RAI14: variants seen among roughly 807,000 people sequenced by gnomAD.
The protein encoded by RAI14 is ankycorbin.
RAI14 carries 45 observed loss-of-function variants against 115.4 expected under a neutral mutation model. The ratio of observed to expected loss-of-function variants is 0.39; its 90% confidence interval spans 0.31 to 0.50. The LOEUF is 0.50. Among genes scored for constraint, RAI14 ranks in the 20% least tolerant of loss-of-function variants. RAI14 has a pLI of 0.85. For synonymous variants in RAI14, 371 were observed against 415.4 expected, an observed-to-expected ratio of 0.89 and a Z score of 1.30; for missense variants, 939 against 1,131.2, an observed-to-expected ratio of 0.83 and a Z score of 2.44.
intron 15 of RAI14, among the ~76,000 whole-genome samples, chr5:34,825,395 G>A (rs1037853892): frequency 6.6e-6 from 1 of 152,182 alleles, no homozygotes; most frequent in Non-Finnish European, 1.5e-5. Flanking sequence ...GGGATCAGAA[G>A]TGAACCTGCA....
At chr5:34,700,305 G>T (rs1029035141) in intron 2 of RAI14, among the ~76,000 whole-genome samples, 1 of 152,094 alleles carries the variant, frequency 6.6e-6, no homozygotes, top group Non-Finnish European at 1.5e-5. Context: ...GTAAGCTCTG[G>T]TCAGTGTTCA....
chr5:34,757,344 C>T (rs746147182), intron 2 of RAI14, 124 bp from the exon 3 acceptor site: 13 of 1,114,454 alleles, frequency 1.2e-5, no homozygotes, highest in Non-Finnish European at 1.6e-5. Flanking sequence ...AAAACACACT[C>T]ATTCGGGAGC....
intron 2 of RAI14, among the ~76,000 whole-genome samples, chr5:34,713,227 G>A (rs1385973863): frequency 6.6e-6 from 1 of 152,094 alleles, no homozygotes; most frequent in Non-Finnish European, 1.5e-5. Flanking sequence ...TAAGGATGAG[G>A]CCAAGGATAA....
intron 2 of RAI14, among the ~76,000 whole-genome samples, chr5:34,728,321 G>T (rs1056479917): frequency 6.6e-6 from 1 of 152,138 alleles, no homozygotes; most frequent in South Asian, 2.1e-4. Flanking sequence ...TTGGGGGGCC[G>T]TTGGGAAGGC....
At chr5:34,745,634 G>A (rs1323224751) in intron 2 of RAI14, among the ~76,000 whole-genome samples, 1 of 152,164 alleles carries the variant, frequency 6.6e-6, no homozygotes, top group Admixed American at 6.5e-5. Flanking sequence ...TCCCATGATA[G>A]ATCAAGCCAA....
chr5:34,679,949 A>G (rs1744269028), intron 1 of RAI14, among the ~76,000 whole-genome samples: 1 of 152,220 alleles, frequency 6.6e-6, no homozygotes, highest in South Asian at 2.1e-4. Flanking sequence ...TCTAAAGTCT[A>G]TCCAAGCACT....
chr5:34,770,218 C>G (rs1331582473), intron 3 of RAI14, among the ~76,000 whole-genome samples: 1 of 152,218 alleles, frequency 6.6e-6, no homozygotes, highest in African/African-American at 2.4e-5. Flanking sequence ...TTGAGAACCA[C>G]TGCACGACAC....
intron 3 of RAI14, among the ~76,000 whole-genome samples, chr5:34,780,399 G>A (rs1484501278): frequency 6.6e-6 from 1 of 152,146 alleles, no homozygotes; most frequent in Non-Finnish European, 1.5e-5. Flanking sequence ...AAGAGCTTCT[G>A]CACAGCAAAA....
intron 1 of RAI14, among the ~76,000 whole-genome samples, chr5:34,657,896 A>G (rs549322752): frequency 3.9e-5 from 6 of 152,326 alleles, no homozygotes; most frequent in African/African-American, 1.4e-4. Context: ...TGTGGCTCGG[A>G]ATTTTATTAC....
At chr5:34,749,000 G>A (rs1746663245) in intron 2 of RAI14, among the ~76,000 whole-genome samples, 1 of 152,090 alleles carries the variant, frequency 6.6e-6, no homozygotes, top group African/African-American at 2.4e-5. Flanking sequence ...ATAGTCAACT[G>A]GGGAAAATAT....
chr5:34,713,524 C>A (rs1262189925), intron 2 of RAI14, among the ~76,000 whole-genome samples: 1 of 152,080 alleles, frequency 6.6e-6, no homozygotes, highest in Non-Finnish European at 1.5e-5. Context: ...AAAAGGAAGA[C>A]CCTTATCCTT....
intron 2 of RAI14, chr5:34,716,649 G>A (rs1437534680): frequency 2.0e-5 from 3 of 152,216 alleles, no homozygotes; most frequent in Non-Finnish European, 4.4e-5. Flanking sequence ...ATGACCTCAA[G>A]CGATTCACCC....
intron 2 of RAI14, among the ~76,000 whole-genome samples, chr5:34,738,885 A>T (rs891361713): frequency 1.2e-4 from 19 of 152,238 alleles, no homozygotes; most frequent in African/African-American, 4.1e-4. Context: ...TGCTCAAGAT[A>T]TGGATGAATT....
intron 1 of RAI14, 113 bp downstream of exon 1, chr5:34,656,588 G>T (rs922967514): frequency 1.3e-5 from 2 of 152,538 alleles, no homozygotes; most frequent in African/African-American, 4.8e-5. Context: ...CGCCCGGGCG[G>T]AGCGGCTGAG....
At chr5:34,720,319 A>T (rs1742511051) in intron 2 of RAI14, among the ~76,000 whole-genome samples, 1 of 151,214 alleles carries the variant, frequency 6.6e-6, no homozygotes, top group Non-Finnish European at 1.5e-5. Context: ...TGGGTTGTTT[A>T]TCATTTATAT....
At chr5:34,710,404 G>A (rs1392836564) in intron 2 of RAI14, among the ~76,000 whole-genome samples, 3 of 152,112 alleles carry the variant, frequency 2.0e-5, no homozygotes, top group Non-Finnish European at 4.4e-5. Context: ...GTAATTTCTT[G>A]TAGTGAGACT....
chr5:34,674,493 T>C (rs1743831497), intron 1 of RAI14, among the ~76,000 whole-genome samples: 1 of 152,154 alleles, frequency 6.6e-6, no homozygotes, highest in Non-Finnish European at 1.5e-5. Context: ...TAGCCATGAA[T>C]AGAACCTGTT....
chr5:34,769,074 G>C (rs1749808572), intron 3 of RAI14, among the ~76,000 whole-genome samples: 1 of 151,788 alleles, frequency 6.6e-6, no homozygotes, highest in Admixed American at 6.6e-5. Context: ...CTGTTCCTCA[G>C]AAGTAGTACT....
intron 2 of RAI14, among the ~76,000 whole-genome samples, chr5:34,702,651 C>T (rs912718177): frequency 1.3e-5 from 2 of 152,182 alleles, no homozygotes; most frequent in African/African-American, 2.4e-5. Flanking sequence ...AAACAATGCT[C>T]GGGTTGGCCA....
Sources: gnomAD v4.1 joint callset for allele counts (sites outside exome capture counted in the v4.1 genomes callset) on GRCh38, gnomAD v4.1.1 for gene constraint, MANE v1.5 for transcripts, NCBI Gene and HGNC (gene_info 2026-07-23, HGNC 2026-07-21) for gene names.